Variants in ELAPOR2 observed in about 807,000 individuals in gnomAD.
The protein encoded by ELAPOR2 is endosome/lysosome-associated apoptosis and autophagy regulator family member 2.
In ELAPOR2, 89 loss-of-function variants were observed where a neutral mutation model predicts 120.7. That is an observed-to-expected ratio of 0.74 (90% CI 0.62 to 0.88). The LOEUF is 0.88. Ranked by LOEUF, ELAPOR2 falls within the 40% of genes least tolerant of loss-of-function variation. The probability of loss-of-function intolerance (pLI) is 0.00; values close to 1 mark genes in which losing one functional copy is unlikely to be tolerated. For synonymous variants in ELAPOR2, 444 were observed against 444.9 expected (o/e 1.00, Z 0.03); for missense variants, 1,134 against 1,251.6 (o/e 0.91, Z 1.42).
At chr7:86,896,085 C>T (rs531729515) in intron 19 of ELAPOR2, among the ~76,000 whole-genome samples, 3 of 152,126 alleles carry the variant, frequency 2.0e-5, no homozygotes, top group East Asian at 3.9e-4. Context: ...AAGCCATCTA[C>T]GAGGATACAC....
intron 4 of ELAPOR2, 148 bp downstream of exon 4, chr7:86,944,751 A>G (rs1473242967): frequency 8.7e-6 from 5 of 575,050 alleles, no homozygotes; most frequent in Non-Finnish European, 1.2e-5. Context: ...AAGAGATTAA[A>G]GTTTTCTTTT....
At chr7:86,924,517 GA>G (rs920524378) in intron 10 of ELAPOR2, among the ~76,000 whole-genome samples, 26 of 145,834 alleles carry the variant, frequency 1.8e-4, no homozygotes, top group East Asian at 1.4e-3. Context: ...GACATTTTAG[GA>G]AAAAAAAAAC....
At chr7:87,022,395 A>G (rs1159441918) in intron 1 of ELAPOR2, among the ~76,000 whole-genome samples, 1 of 151,870 alleles carries the variant, frequency 6.6e-6, no homozygotes, top group Non-Finnish European at 1.5e-5. Context: ...CCATGTCCCT[A>G]CAAAGGACAT....
chr7:86,898,873 T>C (rs374256331), intron 18 of ELAPOR2, among the ~76,000 whole-genome samples: 5 of 152,118 alleles, frequency 3.3e-5, no homozygotes, highest in South Asian at 2.1e-4. Flanking sequence ...CTTTAGGGAA[T>C]AGAATGCTGC....
intron 1 of ELAPOR2, among the ~76,000 whole-genome samples, chr7:87,056,379 C>T (rs940391246): frequency 6.6e-6 from 1 of 152,194 alleles, no homozygotes; most frequent in African/African-American, 2.4e-5. Flanking sequence ...TCACCCCATA[C>T]AAAAACCTGA....
rs555027801 is a variant in ELAPOR2 at position 87,041,001 on chromosome 7, G to A, written c.189+18324C>T. On this transcript the variant is annotated intron_variant, in intron 1 of 21. Transcript: ENST00000450689. ...CAGGAGCCGATGCGATCAACTGGAA[G>A]AAAGGGTATCAGCGATGGAAGATGA... 1.2e-3 allele frequency among the ~76,000 whole-genome samples: 190 copies of A among 152,266 alleles called. 4 individuals carry two copies. The highest frequency in any genetic ancestry group is 7.9e-4 in the Non-Finnish European group (54 of 68,032).
intron 1 of ELAPOR2, among the ~76,000 whole-genome samples, chr7:87,053,699 A>G (rs1189867878): frequency 6.6e-6 from 1 of 152,166 alleles, no homozygotes; most frequent in African/African-American, 2.4e-5. Context: ...AATTCAGAGA[A>G]GAGAAAAGAT....
chr7:86,887,109 A>G (rs893173841), intron 21 of ELAPOR2, among the ~76,000 whole-genome samples: 3 of 152,136 alleles, frequency 2.0e-5, no homozygotes, highest in Non-Finnish European at 2.9e-5. Context: ...CTGGCATTTC[A>G]AGGTTACCCT....
intron 10 of ELAPOR2, among the ~76,000 whole-genome samples, chr7:86,920,209 C>T (rs1789764245): frequency 6.6e-6 from 1 of 152,118 alleles, no homozygotes; most frequent in Non-Finnish European, 1.5e-5. Flanking sequence ...ATCAGTCAAG[C>T]TAGTCTTAAA....
chr7:86,920,702 C>T (rs1789791628), intron 10 of ELAPOR2: 1 of 152,120 alleles, frequency 6.6e-6, no homozygotes, highest in African/African-American at 2.4e-5. Flanking sequence ...TTCCTCTGTC[C>T]TGAGAAACAG....
intron 17 of ELAPOR2, among the ~76,000 whole-genome samples, 163 bp from the exon 18 acceptor site, chr7:86,907,934 T>C (rs1375680206): frequency 6.6e-6 from 1 of 152,068 alleles, no homozygotes; most frequent in African/African-American, 2.4e-5. Context: ...TCATTTACTT[T>C]CATTGCCTAT....
At chr7:86,894,829 G>A (rs1788362519) in intron 19 of ELAPOR2, among the ~76,000 whole-genome samples, 1 of 152,000 alleles carries the variant, frequency 6.6e-6, no homozygotes, top group Admixed American at 6.6e-5. Context: ...TGATAACACA[G>A]TATCTCTTCA....
intron 2 of ELAPOR2, among the ~76,000 whole-genome samples, chr7:86,959,965 A>G (rs1171233630): frequency 2.6e-5 from 4 of 152,048 alleles, no homozygotes; most frequent in Admixed American, 6.6e-5. Flanking sequence ...CTTTGACCCA[A>G]TGGTTGTTTA....
At chr7:86,933,533 G>T (rs957754420) in intron 8 of ELAPOR2, among the ~76,000 whole-genome samples, 6 of 151,868 alleles carry the variant, frequency 4.0e-5, no homozygotes. Context: ...TCCATACTAA[G>T]TGGCACTCCC....
At chr7:86,928,715 G>A (rs1790191060) in intron 8 of ELAPOR2, among the ~76,000 whole-genome samples, 1 of 151,922 alleles carries the variant, frequency 6.6e-6, no homozygotes, top group African/African-American at 2.4e-5. Context: ...CAAATATATT[G>A]TGAGAAGTCA....
chr7:86,891,972 C>CACCTAAAATA, intron 20 of ELAPOR2, 83 bp from the exon 21 acceptor site: 1 of 893,284 alleles, frequency 1.1e-6, no homozygotes, highest in Non-Finnish European at 1.6e-6. Context: ...GGTAATATAC[C>CACCTAAAATA]AGCTCATTAA....
At chr7:87,040,876 A>G (rs1794762334) in intron 1 of ELAPOR2, among the ~76,000 whole-genome samples, 1 of 152,074 alleles carries the variant, frequency 6.6e-6, no homozygotes, top group Non-Finnish European at 1.5e-5. Context: ...AAAAATTTAG[A>G]AGAATGTATA....
At chr7:86,970,128 G>C (rs1488797146) in intron 1 of ELAPOR2, among the ~76,000 whole-genome samples, 2 of 152,124 alleles carry the variant, frequency 1.3e-5, no homozygotes, top group African/African-American at 4.8e-5. Context: ...CTGCCAATGA[G>C]AAAATCAGCT....
intron 1 of ELAPOR2, among the ~76,000 whole-genome samples, chr7:87,050,008 G>T (rs928468382): frequency 1.3e-5 from 2 of 152,034 alleles, no homozygotes; most frequent in Non-Finnish European, 2.9e-5. Context: ...TTTCTTTCTT[G>T]CCCTTGGCCT....
Sources: gnomAD v4.1 joint callset for allele counts (sites outside exome capture counted in the v4.1 genomes callset) on GRCh38, gnomAD v4.1.1 for gene constraint, MANE v1.5 for transcripts, NCBI Gene and HGNC (gene_info 2026-07-23, HGNC 2026-07-21) for gene names.